The following MSH4 variants were observed in gnomAD, a reference collection of about 807,000 sequenced individuals.
MSH4 encodes the protein mutS protein homolog 4.
Under a neutral mutation model 113.7 loss-of-function variants are expected in MSH4, and 106 were observed. The observed-to-expected ratio is 0.93, with a 90% confidence interval of 0.80 to 1.10. The LOEUF (loss-of-function observed/expected upper bound fraction) is 1.10. Ranked by LOEUF, MSH4 falls within the 50% of genes least tolerant of loss-of-function variation. The pLI is 0.00. For missense variants in MSH4, 1,061 were observed against 1,093.7 expected (o/e 0.97, Z 0.42); for synonymous variants, 368 against 380.2 (o/e 0.97, Z 0.37).
rs1278838368 is a variant in MSH4, at chr1:75,803,925, G to A, written c.427+12G>A. On this transcript the variant is annotated intron_variant, in intron 2 of 19. Transcript: ENST00000263187. ...AGTGGGATATTCAGGTAAAATAAGT[G>A]GAAGATTAACCTAGATGATGTTTTG... 2.1e-6 allele frequency: 3 copies of A among 1,454,340 alleles called. No individual in the cohort carries two copies. Among genetic ancestry groups the A allele is most frequent in the Non-Finnish European group, 2.7e-6 (3 of 1,098,238 alleles). The allele number at this position is 1,454,340 out of a possible 1,614,324, so 90.1% of individuals were successfully genotyped here. A position where few individuals can be genotyped will look rare whatever the true frequency, so the allele number is the denominator to read the frequency against.
At chr1:75,858,788 G>C (rs1557512534) in intron 8 of MSH4, among the ~76,000 whole-genome samples, 1 of 152,190 alleles carries the variant, frequency 6.6e-6, no homozygotes, top group Non-Finnish European at 1.5e-5. Context: ...CATAAAATGA[G>C]TTAAAGAGAA....
chr1:75,814,389 C>G (rs1227034005), intron 4 of MSH4, among the ~76,000 whole-genome samples: 1 of 151,894 alleles, frequency 6.6e-6, no homozygotes, highest in Non-Finnish European at 1.5e-5. Flanking sequence ...TGCTTGTACC[C>G]TGGAGTTCAA....
At chr1:75,851,309 C>T (rs1235147463) in intron 8 of MSH4, among the ~76,000 whole-genome samples, 3 of 150,196 alleles carry the variant, frequency 2.0e-5, no homozygotes, top group African/African-American at 4.9e-5. Context: ...ATCTCATTTC[C>T]TTTGTTGGCT....
At chr1:75,821,941 A>G (rs1010373282) in intron 6 of MSH4, among the ~76,000 whole-genome samples, 6 of 152,062 alleles carry the variant, frequency 3.9e-5, no homozygotes, top group African/African-American at 1.4e-4. Flanking sequence ...TTTTTATTAG[A>G]CCTACTGAAT....
intron 10 of MSH4, among the ~76,000 whole-genome samples, chr1:75,877,804 A>G (rs532650262): frequency 3.7e-4 from 56 of 152,258 alleles, no homozygotes; most frequent in African/African-American, 1.3e-3. Context: ...ATTGATGTTT[A>G]TTGAGTGAAT....
chr1:75,832,544 C>T (rs535783128), intron 7 of MSH4, among the ~76,000 whole-genome samples: 1 of 152,262 alleles, frequency 6.6e-6, no homozygotes, highest in African/African-American at 2.4e-5. Flanking sequence ...CAATAAAGTA[C>T]TGGCAAACCG....
At chr1:75,806,404 C>T (rs567549299) in intron 2 of MSH4, among the ~76,000 whole-genome samples, 1 of 151,790 alleles carries the variant, frequency 6.6e-6, no homozygotes, top group Non-Finnish European at 1.5e-5. Context: ...CCTGCCACCA[C>T]GCCTGGCTAA....
At chr1:75,862,300 A>G (rs1248348167) in intron 8 of MSH4, among the ~76,000 whole-genome samples, 1 of 152,140 alleles carries the variant, frequency 6.6e-6, no homozygotes, top group African/African-American at 2.4e-5. Flanking sequence ...CCCACTGTCC[A>G]AGCAGTCCCA....
intron 15 of MSH4, among the ~76,000 whole-genome samples, chr1:75,886,669 A>T (rs1209851529): frequency 7.5e-6 from 1 of 133,242 alleles, no homozygotes; most frequent in Non-Finnish European, 1.5e-5. Flanking sequence ...TATATACATT[A>T]TACATTATAT....
rs758138335 is a variant in MSH4, at chr1:75,905,847, AT to A, written c.2619+6142del. On this transcript the variant is annotated intron_variant, in intron 19 of 19. Coordinates refer to ENST00000263187, the MANE Select transcript of MSH4 (RefSeq NM_002440.4). Reference sequence around the variant, plus strand: ...CAGTCTTTGACTTGAAGTCTATCTTATCTGATATAAACATAGCTACTCCTGC... The same window carrying A: ...CAGTCTTTGACTTGAAGTCTATCTTACTGATATAAACATAGCTACTCCTGC... Among the ~76,000 whole-genome samples, 13 of 152,164 alleles carry A rather than the reference AT, an allele frequency of 8.5e-5. No individual in the cohort carries two copies. In the East Asian group the frequency reaches 1.3e-3, roughly 16 times the overall value.
intron 8 of MSH4, among the ~76,000 whole-genome samples, chr1:75,851,433 A>G (rs887473595): frequency 9.2e-5 from 14 of 151,638 alleles, no homozygotes; most frequent in African/African-American, 3.4e-4. Context: ...ATTTTTTGGG[A>G]CAGAGTCTTG....
At chr1:75,867,647 T>C in intron 9 of MSH4, 59 bp downstream of exon 9, 1 of 1,214,412 alleles carries the variant, frequency 8.2e-7, no homozygotes, top group Non-Finnish European at 1.2e-6. Flanking sequence ...AACTTTTTGT[T>C]GGAAAAAAAT....
intron 8 of MSH4, among the ~76,000 whole-genome samples, chr1:75,857,360 G>A (rs1651342347): frequency 6.6e-6 from 1 of 152,100 alleles, no homozygotes; most frequent in African/African-American, 2.4e-5. Flanking sequence ...TGAAGTCTTT[G>A]CCCATGCCTA....
chr1:75,907,373 C>G (rs1652683085), intron 19 of MSH4, among the ~76,000 whole-genome samples: 1 of 151,882 alleles, frequency 6.6e-6, no homozygotes, highest in Non-Finnish European at 1.5e-5. Context: ...AGTCTGTTGC[C>G]AGATGAATTG....
chr1:75,835,940 G>A (rs771823556), intron 7 of MSH4, among the ~76,000 whole-genome samples: 33 of 152,006 alleles, frequency 2.2e-4, no homozygotes, highest in Non-Finnish European at 4.1e-4. Context: ...TTTACCTTTC[G>A]GAGTTCACCT....
chr1:75,820,716 C>G (rs1650390415), intron 6 of MSH4, among the ~76,000 whole-genome samples: 3 of 152,038 alleles, frequency 2.0e-5, no homozygotes, highest in Non-Finnish European at 4.4e-5. Flanking sequence ...CTCTTTTCTT[C>G]TTTATTAGTC....
intron 8 of MSH4, among the ~76,000 whole-genome samples, chr1:75,865,890 G>A (rs1472745548): frequency 2.0e-5 from 3 of 150,506 alleles, no homozygotes; most frequent in Admixed American, 6.6e-5. Context: ...GAAGGGCCAT[G>A]TTTCTTTTCT....
chr1:75,886,732 T>G (rs1652129506), intron 15 of MSH4, among the ~76,000 whole-genome samples: 1 of 138,776 alleles, frequency 7.2e-6, no homozygotes, highest in Non-Finnish European at 1.5e-5. Context: ...ATACATTATA[T>G]ATAAATATAT....
rs1649827138 is a variant in MSH4 at position 75,797,035 on chromosome 1, C to T, written c.50C>T (p.Ser17Phe). Residue 17 changes from serine (S) to phenylalanine (F), a missense_variant, in exon 1 of 20, where the codon TCC becomes TTC. Physicochemically the swap from Ser to Phe is radical, Grantham distance 155. Coordinates refer to ENST00000263187, the MANE Select transcript of MSH4 (RefSeq NM_002440.4). ...SSTSPSAPAV[S>F]PSSGETRSPQ... ...ACCTCGCCTTCTGCCCCGGCGGTTT[C>T]CCCGTCGTCGGGAGAAACCCGCTCA... The T allele has an allele frequency of 6.2e-7, 1 of 1,614,076 alleles. No individual in the cohort carries two copies. Among genetic ancestry groups the T allele is most frequent in the Non-Finnish European group, 8.5e-7 (1 of 1,179,992 alleles).
Sources: gnomAD v4.1 joint callset for allele counts (sites outside exome capture counted in the v4.1 genomes callset) on GRCh38, gnomAD v4.1.1 for gene constraint, MANE v1.5 for transcripts, NCBI Gene and HGNC (gene_info 2026-07-23, HGNC 2026-07-21) for gene names.